RNF34: variants seen among roughly 807,000 people sequenced by gnomAD.
RNF34 encodes the protein E3 ubiquitin-protein ligase RNF34.
Under a neutral mutation model 37.9 loss-of-function variants are expected in RNF34, and 12 were observed. The observed-to-expected ratio is 0.32, with a 90% CI of 0.20 to 0.51. The LOEUF is 0.51. Among genes scored for constraint, RNF34 ranks in the 20% least tolerant of loss-of-function variants. RNF34 has a pLI of 0.97. For missense variants in RNF34, 362 were observed against 472.7 expected, an observed-to-expected ratio of 0.77 and a Z score of 2.17; for synonymous variants, 155 against 177.2, an observed-to-expected ratio of 0.87 and a Z score of 1.00.
At chr12:121,402,520 C>A (rs573708418) in intron 1 of RNF34, among the ~76,000 whole-genome samples, 1 of 151,740 alleles carries the variant, frequency 6.6e-6, no homozygotes, top group African/African-American at 2.4e-5. Context: ...AACTTTTTAA[C>A]CTTGCAGTAA....
intron 4 of RNF34, 24 bp from the exon 5 acceptor site, chr12:121,420,553 C>A: frequency 6.2e-7 from 1 of 1,610,746 alleles, no homozygotes; most frequent in Non-Finnish European, 8.5e-7. Context: ...GGGACCAGGG[C>A]TAATGGATGC....
chr12:121,402,160 G>A (rs982688394), intron 1 of RNF34, among the ~76,000 whole-genome samples: 5 of 152,074 alleles, frequency 3.3e-5, no homozygotes, highest in Non-Finnish European at 7.3e-5. Flanking sequence ...ATACCTGGCC[G>A]GGTGCAATAG....
At chr12:121,409,451 A>G (rs570005587) in intron 1 of RNF34, 23 of 152,310 alleles carry the variant, frequency 1.5e-4, no homozygotes, top group African/African-American at 5.3e-4. Flanking sequence ...AGCCCTTTCC[A>G]CTCAGGAATT....
At position 121,417,439 on chromosome 12, in the gene RNF34, A is replaced by T; in HGVS notation, c.226-65A>T. ...AAAATTAAATTTTAGTAGAAGGCAG[A>T]AAGAAAACTCATGCTTTCATAATGG... On this transcript the variant is annotated intron_variant, in intron 2 of 5. Transcript: ENST00000361234. The surrounding 1 kb of genome is among the most constrained non-coding windows in gnomAD (Gnocchi z 5.0). 7.0e-7 allele frequency: 1 copy of T among 1,420,246 alleles called. No individual in the cohort carries two copies. The highest frequency in any genetic ancestry group is 9.6e-7 in the Non-Finnish European group (1 of 1,045,370). 88.0% of individuals were successfully genotyped at this position (1,420,246 alleles called of 1,614,324 possible). A position where few individuals can be genotyped will look rare whatever the true frequency, so the allele number is the denominator to read the frequency against.
At chr12:121,422,155 G>T (rs34735211) in intron 5 of RNF34, among the ~76,000 whole-genome samples, 1 of 152,300 alleles carries the variant, frequency 6.6e-6, no homozygotes, top group East Asian at 1.9e-4. Context: ...TTGCGGCGTA[G>T]GATATAACAT....
chr12:121,422,480 C>G (rs1555283550), intron 5 of RNF34, among the ~76,000 whole-genome samples: 1 of 152,232 alleles, frequency 6.6e-6, no homozygotes, highest in Admixed American at 6.5e-5. Flanking sequence ...GCCATCTCAT[C>G]CCATAGATCC....
chr12:121,421,211 T>G (rs782121780), intron 5 of RNF34, among the ~76,000 whole-genome samples: 1 of 151,858 alleles, frequency 6.6e-6, no homozygotes, highest in Non-Finnish European at 1.5e-5. Context: ...TCTGTAGATT[T>G]CTGTGTAAGT....
Position 121,414,758 on chromosome 12 carries a change from C to T in RNF34, c.7-1401C>T, listed in dbSNP as rs535875353. Among the ~76,000 whole-genome samples, 33 of 151,728 alleles carry T rather than the reference C, an allele frequency of 2.2e-4. No homozygotes were observed. The South Asian group carries it at 6.9e-3, about 32-fold the overall frequency. The stretch of plus-strand genomic sequence containing the variant: ...CTTGATCTCGGATCACAACAATCTC[C>T]GCCTCCCGAATTCAAGCAATTCTCG... On this transcript the variant is annotated intron_variant, in intron 1 of 5. Coordinates refer to ENST00000361234, the MANE Select transcript of RNF34 (RefSeq NM_025126.4).
rs1871735668 is a variant in RNF34, at chr12:121,417,978, C to T, written c.633+67C>T. 2.7e-6 allele frequency: 4 copies of T among 1,485,370 alleles called. No homozygotes were observed. The highest frequency in any genetic ancestry group is 3.7e-6 in the Non-Finnish European group (4 of 1,094,384). 92.0% of individuals were successfully genotyped at this position (1,485,370 alleles called of 1,614,324 possible). A position where few individuals can be genotyped will look rare whatever the true frequency, so the allele number is the denominator to read the frequency against. ...TATTCTTGGCCGTATATGGTGGGGC[C>T]TTTAGTGCTTGATGACTTCTGATAA... On this transcript the variant is annotated intron_variant, in intron 3 of 5. Transcript: ENST00000361234. This position sits in a 1 kb window ranked among gnomAD's most constrained non-coding sequence, Gnocchi z 5.0.
chr12:121,401,902 T>G (rs1870031963), intron 1 of RNF34, among the ~76,000 whole-genome samples: 1 of 152,220 alleles, frequency 6.6e-6, no homozygotes, highest in African/African-American at 2.4e-5. Context: ...CTGTGCCAGA[T>G]GACAGTTATA....
intron 1 of RNF34, among the ~76,000 whole-genome samples, chr12:121,406,405 A>T (rs1303817863): frequency 6.6e-6 from 1 of 151,020 alleles, no homozygotes; most frequent in East Asian, 1.9e-4. Flanking sequence ...TTGTGCCTCA[A>T]CCTCCCCAGT....
chr12:121,412,403 C>T (rs1232564171), intron 1 of RNF34, among the ~76,000 whole-genome samples: 1 of 151,370 alleles, frequency 6.6e-6, no homozygotes, highest in Non-Finnish European at 1.5e-5. Context: ...CCACGCCAGG[C>T]TAATTTTGTT....
At chr12:121,404,093 C>A (rs1452084913) in intron 1 of RNF34, among the ~76,000 whole-genome samples, 1 of 151,440 alleles carries the variant, frequency 6.6e-6, no homozygotes, top group Non-Finnish European at 1.5e-5. Context: ...CAGCTCACTG[C>A]AACCTCTGCC....
Position 121,423,628 on chromosome 12 carries a change from TCA to T in RNF34, c.*53_*54del. ...ACCCCCAAACTTGACCCCCAACATT[TCA>T]ATGCACAGAAGGGACTGGAAAGTTA... On this transcript the variant is annotated 3_prime_UTR_variant, in exon 6 of 6. Transcript: ENST00000361234. The surrounding 1 kb of genome is among the most constrained non-coding windows in gnomAD (Gnocchi z 4.3). The T allele has an allele frequency of 5.4e-6, 8 of 1,483,398 alleles. No individual in the cohort carries two copies. The highest frequency in any genetic ancestry group is 7.5e-6 in the Non-Finnish European group (8 of 1,073,620). The allele number at this position is 1,483,398 out of a possible 1,614,324, so 91.9% of individuals were successfully genotyped here.
chr12:121,411,973 A>G (rs1871104244), intron 1 of RNF34, among the ~76,000 whole-genome samples: 1 of 152,230 alleles, frequency 6.6e-6, no homozygotes, highest in Admixed American at 6.5e-5. Flanking sequence ...TGCAAACTAA[A>G]TTTTTTAGAA....
At chr12:121,416,806 A>G (rs1455464889) in intron 2 of RNF34, among the ~76,000 whole-genome samples, 2 of 152,252 alleles carry the variant, frequency 1.3e-5, no homozygotes, top group Non-Finnish European at 2.9e-5. Context: ...TCAAATACTT[A>G]GCTAACAGTT....
intron 3 of RNF34, 127 bp downstream of exon 3, chr12:121,418,038 C>T (rs1871740842): frequency 2.0e-6 from 2 of 990,218 alleles, no homozygotes; most frequent in Non-Finnish European, 3.0e-6. Context: ...AGCTTCCACA[C>T]CCAGCTGAAC....
rs555555558 is a variant in RNF34, at chr12:121,406,326, C to T, written c.6+6108C>T. 6.9e-3 allele frequency among the ~76,000 whole-genome samples: 762 copies of T among 110,590 alleles called. 9 individuals carry two copies. Among genetic ancestry groups the T allele is most frequent in the Non-Finnish European group, 7.5e-3 (395 of 52,938 alleles). 72.6% of individuals were successfully genotyped at this position (110,590 alleles called of 152,430 possible). A position where few individuals can be genotyped will look rare whatever the true frequency, so the allele number is the denominator to read the frequency against. ...TGTTTGAGACAGACTCTTGCTGTGTCGCCCAGGCTGGAGTGCAGTGGCGTG... is the reference window on the plus strand; with the variant it reads ...TGTTTGAGACAGACTCTTGCTGTGTTGCCCAGGCTGGAGTGCAGTGGCGTG... On this transcript the variant is annotated intron_variant, in intron 1 of 5. Coordinates refer to ENST00000361234, the MANE Select transcript of RNF34 (RefSeq NM_025126.4).
At chr12:121,418,896 G>C (rs1432521219) in intron 3 of RNF34, among the ~76,000 whole-genome samples, 1 of 152,104 alleles carries the variant, frequency 6.6e-6, no homozygotes, top group Admixed American at 6.5e-5. Context: ...TAGTAAAGAT[G>C]GGGTTTCACC....
Sources: allele counts gnomAD v4.1 joint callset (sites outside exome capture counted in the v4.1 genomes callset), GRCh38; gene constraint gnomAD v4.1.1; non-coding constraint Gnocchi (gnomAD v3.1); transcripts MANE v1.5; gene names NCBI Gene and HGNC (gene_info 2026-07-23, HGNC 2026-07-21).